RNLS: variants seen among roughly 807,000 people sequenced by gnomAD.
The protein encoded by RNLS is renalase.
RNLS carries 39 observed loss-of-function variants against 39.8 expected under a neutral mutation model. The ratio of observed to expected loss-of-function variants is 0.98; its 90% confidence interval spans 0.76 to 1.28. The LOEUF is 1.28. Ranked by LOEUF, RNLS falls within the 50% of genes most tolerant of loss-of-function variation. The pLI is 0.00. For missense variants in RNLS, 410 were observed against 413.3 expected (o/e 0.99, Z 0.07); for synonymous variants, 147 against 150.7 (o/e 0.98, Z 0.18).
chr10:88,473,408 AT>A (rs2133986660), intron 4 of RNLS, among the ~76,000 whole-genome samples: 1 of 152,122 alleles, frequency 6.6e-6, no homozygotes, highest in Non-Finnish European at 1.5e-5. Flanking sequence ...CTACCATTTT[AT>A]TTTTCTGGGT....
At chr10:88,277,099 G>A (rs1466116859) in intron 6 of RNLS, among the ~76,000 whole-genome samples, 1 of 152,132 alleles carries the variant, frequency 6.6e-6, no homozygotes, top group Non-Finnish European at 1.5e-5. Context: ...ATGATAGACT[G>A]GATTAAGAAA....
At chr10:88,558,162 T>C (rs1222358651) in intron 4 of RNLS, among the ~76,000 whole-genome samples, 1 of 152,072 alleles carries the variant, frequency 6.6e-6, no homozygotes, top group African/African-American at 2.4e-5. Flanking sequence ...ATTGCACACA[T>C]TGGTAAAGGA....
At chr10:88,397,600 A>AG (rs1852638051) in intron 4 of RNLS, among the ~76,000 whole-genome samples, 1 of 151,948 alleles carries the variant, frequency 6.6e-6, no homozygotes, top group African/African-American at 2.4e-5. Context: ...AGAAAGCAGA[A>AG]GAAAAAAAAT....
chr10:88,333,928 T>G (rs1847301842), intron 5 of RNLS, among the ~76,000 whole-genome samples: 1 of 152,188 alleles, frequency 6.6e-6, no homozygotes, highest in Admixed American at 6.5e-5. Context: ...ATGTCAAATC[T>G]ACCAGTATCT....
chr10:88,425,035 T>A (rs1266694942), intron 4 of RNLS, among the ~76,000 whole-genome samples: 1 of 152,162 alleles, frequency 6.6e-6, no homozygotes, highest in South Asian at 2.1e-4. Flanking sequence ...TGTATTAAGA[T>A]AATCAGGATG....
At chr10:88,355,708 A>G (rs959312931) in intron 5 of RNLS, among the ~76,000 whole-genome samples, 94 of 152,186 alleles carry the variant, frequency 6.2e-4, no homozygotes, top group Middle Eastern at 3.4e-3. Flanking sequence ...CTCAAACTCC[A>G]TTCTGGGAGA....
chr10:88,560,437 T>G (rs1395343213), intron 4 of RNLS, among the ~76,000 whole-genome samples: 1 of 152,024 alleles, frequency 6.6e-6, no homozygotes, highest in Admixed American at 6.6e-5. Context: ...CCCACTACCC[T>G]GAGCCCCACT....
intron 4 of RNLS, among the ~76,000 whole-genome samples, chr10:88,493,420 T>A (rs1844996212): frequency 6.6e-6 from 1 of 152,116 alleles, no homozygotes; most frequent in South Asian, 2.1e-4. Flanking sequence ...GGGAAGCATG[T>A]AAGTTGTGCA....
At chr10:88,231,934 C>T in the RNLS span, among the ~76,000 whole-genome samples, 1 of 97,944 alleles carries the variant, frequency 1.0e-5, no homozygotes, top group African/African-American at 4.1e-5. Context: ...AAAGATGTCA[C>T]AGGATTTCTG....
At chr10:88,185,120 A>G in the RNLS span, among the ~76,000 whole-genome samples, 20 of 152,308 alleles carry the variant, frequency 1.3e-4, no homozygotes, top group African/African-American at 4.1e-4. Flanking sequence ...GATTGTTAAT[A>G]ATCTACTAGA....
At chr10:88,379,230 A>AAATT (rs1477402878) in intron 4 of RNLS, among the ~76,000 whole-genome samples, 11 of 152,216 alleles carry the variant, frequency 7.2e-5, no homozygotes, top group Non-Finnish European at 1.6e-4. Context: ...AGAGTGAATT[A>AAATT]AATTAATAAC....
chr10:88,263,989 A>T, the RNLS span, among the ~76,000 whole-genome samples: 1 of 152,126 alleles, frequency 6.6e-6, no homozygotes, highest in East Asian at 1.9e-4. Context: ...CTTTCTCCCA[A>T]GTCCCCAAAG....
At chr10:88,401,998 G>A (rs1235016801) in intron 4 of RNLS, among the ~76,000 whole-genome samples, 1 of 152,020 alleles carries the variant, frequency 6.6e-6, no homozygotes, top group Non-Finnish European at 1.5e-5. Context: ...CTCCTGGGAA[G>A]AGAATCCAAA....
the RNLS span, among the ~76,000 whole-genome samples, chr10:88,189,806 A>G: frequency 1.3e-5 from 2 of 152,262 alleles, no homozygotes; most frequent in African/African-American, 4.8e-5. Flanking sequence ...GCAGCGAAGC[A>G]CTGGGGGATG....
At chr10:88,377,556 C>A (rs1851114143) in intron 4 of RNLS, among the ~76,000 whole-genome samples, 1 of 152,164 alleles carries the variant, frequency 6.6e-6, no homozygotes, top group Non-Finnish European at 1.5e-5. Context: ...CTGAATACTA[C>A]AGGTGACTGT....
chr10:88,349,866 A>G (rs1157682945), intron 5 of RNLS, among the ~76,000 whole-genome samples: 1 of 152,054 alleles, frequency 6.6e-6, no homozygotes, highest in Non-Finnish European at 1.5e-5. Context: ...TGCAATTAGT[A>G]TTTGACAGCT....
chr10:88,462,537 T>C (rs1435103569), intron 4 of RNLS, among the ~76,000 whole-genome samples: 1 of 151,970 alleles, frequency 6.6e-6, no homozygotes, highest in Non-Finnish European at 1.5e-5. Context: ...GAAAATAATA[T>C]ACTGTCTTAT....
chr10:88,287,723 A>AAG (rs967961564), intron 6 of RNLS, among the ~76,000 whole-genome samples: 6 of 151,992 alleles, frequency 3.9e-5, no homozygotes, highest in African/African-American at 1.2e-4. Context: ...GGCAGCAGGC[A>AAG]AGAGAGAGAG....
the RNLS span, among the ~76,000 whole-genome samples, chr10:88,199,520 C>T: frequency 6.6e-6 from 1 of 152,166 alleles, no homozygotes; most frequent in Non-Finnish European, 1.5e-5. Flanking sequence ...GTGCATCCCA[C>T]CCCATGATGG....
Sources: gnomAD v4.1 joint callset for allele counts (sites outside exome capture counted in the v4.1 genomes callset) on GRCh38, gnomAD v4.1.1 for gene constraint, MANE v1.5 for transcripts, NCBI Gene and HGNC (gene_info 2026-07-23, HGNC 2026-07-21) for gene names.